The following GRID2 variants were observed in gnomAD, a reference collection of about 807,000 sequenced individuals.
GRID2 encodes glutamate ionotropic receptor delta type subunit 2.
Under a neutral mutation model 114.8 loss-of-function variants are expected in GRID2, and 33 were observed. The observed-to-expected ratio is 0.29, with a 90% CI of 0.22 to 0.38. GRID2 has a LOEUF of 0.38. Ranked by LOEUF, GRID2 falls within the 10% of genes least tolerant of loss-of-function variation. The pLI is 1.00. For missense variants in GRID2, 1,184 were observed against 1,257.7 expected, an observed-to-expected ratio of 0.94 and a Z score of 0.89; for synonymous variants, 505 against 449.9, an observed-to-expected ratio of 1.12 and a Z score of -1.55.
In GRID2 at chr4:92,358,637, G is replaced by T. The variant is rs566464750; in HGVS notation, c.88+53893G>T. ...TGGTTATTGTGAATTATATCAAAAG[G>T]GATAACTTTGTGCCAATTGCTAGAT... On this transcript the variant is annotated intron_variant, in intron 1 of 15. Coordinates refer to ENST00000282020, the MANE Select transcript of GRID2 (RefSeq NM_001510.4). Among the ~76,000 whole-genome samples the T allele has an allele frequency of 6.6e-5, 10 of 151,778 alleles. No individual in the cohort carries two copies. In the East Asian group the frequency reaches 2.0e-3, roughly 30 times the overall value.
intron 1 of GRID2, among the ~76,000 whole-genome samples, chr4:92,337,137 G>C (rs919830973): frequency 1.3e-5 from 2 of 151,770 alleles, no homozygotes; most frequent in African/African-American, 4.8e-5. Context: ...ATTTAGCATA[G>C]ACTTTGCTCG....
At chr4:93,258,320 A>T (rs559960255) in intron 8 of GRID2, among the ~76,000 whole-genome samples, 107 of 151,814 alleles carry the variant, frequency 7.0e-4, no homozygotes, top group Non-Finnish European at 1.1e-3. Flanking sequence ...TAGCAAAGAT[A>T]TTTAAGTTTG....
At chr4:92,634,563 G>A (rs1162719023) in intron 2 of GRID2, among the ~76,000 whole-genome samples, 1 of 151,940 alleles carries the variant, frequency 6.6e-6, no homozygotes, top group Admixed American at 6.6e-5. Flanking sequence ...ATACTAAGAG[G>A]CAAATTACTG....
chr4:92,588,883 A>G (rs1728581894), intron 1 of GRID2, among the ~76,000 whole-genome samples: 1 of 151,936 alleles, frequency 6.6e-6, no homozygotes, highest in South Asian at 2.1e-4. Context: ...CAAGTGGATC[A>G]CGTGAGGTCA....
rs369315870 is a variant in GRID2, at chr4:93,055,431, A to G, written c.245-29564A>G. The stretch of plus-strand genomic sequence containing the variant: ...TATACCTAATGCTAGATGACGAGTT[A>G]CTGGGTGCAGTGCACCAGCATGGCA... On this transcript the variant is annotated intron_variant, in intron 2 of 15. Coordinates refer to ENST00000282020, the MANE Select transcript of GRID2 (RefSeq NM_001510.4). 4.0e-5 allele frequency among the ~76,000 whole-genome samples: 6 copies of G among 151,306 alleles called. No homozygotes were observed. In the East Asian group the frequency reaches 9.7e-4, roughly 24 times the overall value.
downstream of GRID2, among the ~76,000 whole-genome samples, chr4:93,779,305 T>C (rs187140279): frequency 1.3e-5 from 2 of 152,000 alleles, no homozygotes; most frequent in Admixed American, 1.3e-4. Flanking sequence ...GATCAATCAG[T>C]CCACCAACAA....
intron 1 of GRID2, among the ~76,000 whole-genome samples, chr4:93,800,910 T>C (rs1023830639): frequency 2.6e-5 from 4 of 152,206 alleles, no homozygotes; most frequent in African/African-American, 9.6e-5. Context: ...TGGAAAACAC[T>C]GAATGAATTC....
At chr4:92,460,613 T>C (rs948671257) in intron 1 of GRID2, among the ~76,000 whole-genome samples, 1 of 152,148 alleles carries the variant, frequency 6.6e-6, no homozygotes, top group Non-Finnish European at 1.5e-5. Context: ...CTCACACTTT[T>C]AGTGTAAATA....
chr4:93,804,749 C>A (rs1255487190), intron 1 of GRID2, among the ~76,000 whole-genome samples: 1 of 152,144 alleles, frequency 6.6e-6, no homozygotes, highest in East Asian at 1.9e-4. Flanking sequence ...CACAGGGCCC[C>A]TCAAGTAAAA....
chr4:92,309,584 C>T (rs1276519108), intron 1 of GRID2, among the ~76,000 whole-genome samples: 1 of 151,378 alleles, frequency 6.6e-6, no homozygotes, highest in Admixed American at 6.6e-5. Context: ...AAAAAAATGT[C>T]ATTTTAATGA....
At chr4:92,662,902 T>C (rs1021707491) in intron 2 of GRID2, among the ~76,000 whole-genome samples, 3 of 151,126 alleles carry the variant, frequency 2.0e-5, no homozygotes, top group African/African-American at 7.3e-5. Context: ...TATATTTAAA[T>C]ACAGAAATTT....
intron 2 of GRID2, among the ~76,000 whole-genome samples, chr4:92,670,110 A>T (rs542702343): frequency 3.9e-5 from 6 of 152,216 alleles, no homozygotes; most frequent in African/African-American, 1.4e-4. Context: ...TAGGCTGTAT[A>T]CTGAAAGAAC....
chr4:92,507,784 G>A (rs1018998052), intron 1 of GRID2, among the ~76,000 whole-genome samples: 1 of 151,808 alleles, frequency 6.6e-6, no homozygotes, highest in Non-Finnish European at 1.5e-5. Context: ...TGGAATGTGA[G>A]TCTCAGGTTT....
At chr4:92,614,356 G>T (rs1438658951) in intron 2 of GRID2, among the ~76,000 whole-genome samples, 1 of 151,378 alleles carries the variant, frequency 6.6e-6, no homozygotes, top group Admixed American at 6.6e-5. Flanking sequence ...CAATAAAGTC[G>T]TTTAAAGCCA....
intron 12 of GRID2, 90 bp from the exon 13 acceptor site, chr4:93,515,126 T>C (rs753274123): frequency 1.2e-5 from 6 of 507,170 alleles, no homozygotes; most frequent in Non-Finnish European, 2.1e-5. Context: ...TTTCCACACA[T>C]ATTGCCTTTT....
At chr4:92,939,927 C>A (rs1192490401) in intron 2 of GRID2, among the ~76,000 whole-genome samples, 2 of 146,908 alleles carry the variant, frequency 1.4e-5, no homozygotes, top group African/African-American at 2.4e-5. Context: ...TGGTGTATAT[C>A]TCTGTTTTGG....
chr4:93,253,066 G>A (rs1387305493), intron 8 of GRID2, among the ~76,000 whole-genome samples: 1 of 149,792 alleles, frequency 6.7e-6, no homozygotes. Flanking sequence ...TGGCTAACAC[G>A]GTGAAACCCC....
chr4:92,628,163 T>C (rs892729562), intron 2 of GRID2, among the ~76,000 whole-genome samples: 5 of 152,150 alleles, frequency 3.3e-5, no homozygotes, highest in African/African-American at 1.2e-4. Flanking sequence ...ACCACATTTC[T>C]AAGGATACAA....
chr4:93,783,260 C>A (rs935383515), intron 1 of GRID2, among the ~76,000 whole-genome samples: 1 of 152,168 alleles, frequency 6.6e-6, no homozygotes, highest in Non-Finnish European at 1.5e-5. Context: ...CTATTGTTGA[C>A]ACTAATTTAG....
Sources: gnomAD v4.1 joint callset for allele counts (sites outside exome capture counted in the v4.1 genomes callset) on GRCh38, gnomAD v4.1.1 for gene constraint, MANE v1.5 for transcripts, NCBI Gene and HGNC (gene_info 2026-07-23, HGNC 2026-07-21) for gene names.